The following MECOM variants were observed in gnomAD, a reference collection of about 807,000 sequenced individuals.
MECOM encodes the protein MDS1 and EVI1 complex locus, also known as histone-lysine N-methyltransferase MECOM.
A neutral mutation model predicts 116.3 loss-of-function variants in MECOM; 13 were observed. That is an observed-to-expected ratio of 0.11 (90% CI 0.07 to 0.18). The LOEUF is 0.18. Ranked by LOEUF, MECOM falls within the 10% of genes least tolerant of loss-of-function variation. The pLI, the probability that MECOM is intolerant of heterozygous loss-of-function variation, is 1.00. For synonymous variants in MECOM, 528 were observed against 535.2 expected, an observed-to-expected ratio of 0.99 and a Z score of 0.19; for missense variants, 1,299 against 1,509.0, an observed-to-expected ratio of 0.86 and a Z score of 2.31.
intron 2 of MECOM, among the ~76,000 whole-genome samples, chr3:169,290,377 A>C (rs1714282731): frequency 6.6e-6 from 1 of 152,204 alleles, no homozygotes; most frequent in South Asian, 2.1e-4. Context: ...TATTCCTTTG[A>C]GTATGATCTC....
chr3:169,164,097 A>T (rs1577223495), intron 2 of MECOM, among the ~76,000 whole-genome samples: 1 of 152,244 alleles, frequency 6.6e-6, no homozygotes, highest in South Asian at 2.1e-4. Context: ...TTTAAATTAT[A>T]GTTGATATGG....
intron 2 of MECOM, among the ~76,000 whole-genome samples, chr3:169,223,899 C>G (rs1752418259): frequency 6.6e-6 from 1 of 152,152 alleles, no homozygotes; most frequent in African/African-American, 2.4e-5. Flanking sequence ...TCAGGTGGAA[C>G]CTCCTGTAGG....
intron 2 of MECOM, among the ~76,000 whole-genome samples, chr3:169,321,685 T>C (rs1174836504): frequency 2.0e-5 from 3 of 150,264 alleles, no homozygotes; most frequent in Admixed American, 6.6e-5. Context: ...TGTGGTTTTG[T>C]GGAGGGAGGG....
intron 2 of MECOM, among the ~76,000 whole-genome samples, chr3:169,360,349 A>G (rs1410421981): frequency 1.3e-5 from 2 of 150,088 alleles, no homozygotes; most frequent in East Asian, 2.0e-4. Context: ...AAAAAGAAAA[A>G]AGCTCCTACA....
At chr3:169,404,847 A>C (rs1303669960) in intron 1 of MECOM, among the ~76,000 whole-genome samples, 1 of 152,176 alleles carries the variant, frequency 6.6e-6, no homozygotes, top group Non-Finnish European at 1.5e-5. Context: ...CCCCCAGAAG[A>C]AGCACAGAGC....
In MECOM at chr3:169,146,664, G is replaced by A. The variant is rs988030119; in HGVS notation, c.376-2832C>T. The A allele has an allele frequency of 5.2e-6, 7 of 1,344,184 alleles. No individual in the cohort carries two copies. In the African/African-American group the frequency reaches 7.4e-5, roughly 14 times the overall value. The allele number at this position is 1,344,184 out of a possible 1,614,324, so 83.3% of individuals were successfully genotyped here. A position where few individuals can be genotyped will look rare whatever the true frequency, so the allele number is the denominator to read the frequency against. ...GTGCCCCGGCAGGAAACTGTCCGAA[G>A]TGACAAACTTTCACATCGCCCAGAC... On this transcript the variant is annotated intron_variant, in intron 2 of 16. Coordinates refer to ENST00000651503, the MANE Select transcript of MECOM (RefSeq NM_004991.4).
intron 2 of MECOM, chr3:169,144,954 A>G (rs1739319063): frequency 6.7e-7 from 1 of 1,502,824 alleles, no homozygotes; most frequent in African/African-American, 1.4e-5. Context: ...TTTGCATAGA[A>G]TTCAGGCAAT....
At chr3:169,353,043 G>C (rs1212087452) in intron 2 of MECOM, among the ~76,000 whole-genome samples, 1 of 151,822 alleles carries the variant, frequency 6.6e-6, no homozygotes, top group Admixed American at 6.6e-5. Flanking sequence ...ATCCCACGAG[G>C]CTACAATTTA....
chr3:169,476,562 C>T (rs1750412973), intron 1 of MECOM, among the ~76,000 whole-genome samples: 1 of 152,154 alleles, frequency 6.6e-6, no homozygotes, highest in African/African-American at 2.4e-5. Context: ...GTGAAATTGG[C>T]CTCATCTGTC....
chr3:169,637,456 G>A (rs1340788630), intron 1 of MECOM, among the ~76,000 whole-genome samples: 2 of 152,172 alleles, frequency 1.3e-5, no homozygotes, highest in Non-Finnish European at 2.9e-5. Context: ...TTTATTCTAG[G>A]CCTGGAAATG....
intron 1 of MECOM, among the ~76,000 whole-genome samples, chr3:169,630,333 C>T (rs1399988384): frequency 6.6e-6 from 1 of 151,960 alleles, no homozygotes; most frequent in East Asian, 1.9e-4. Flanking sequence ...CAGAAAGTCA[C>T]CTTGGTTTGA....
chr3:169,537,326 A>C lies in MECOM; in HGVS notation c.37+126010T>G, dbSNP rs77091025. Among the ~76,000 whole-genome samples, 765 of 152,286 alleles carry C rather than the reference A, an allele frequency of 5.0e-3. 9 individuals are homozygous for C. Among genetic ancestry groups the C allele is most frequent in the South Asian group, 0.028 (133 of 4,824 alleles). On this transcript the variant is annotated intron_variant, in intron 1 of 16. Transcript: ENST00000651503. ...TAGCCATTAGTATTAGAAATGTCTT[A>C]CTAGTAAGCTCCTCTTTGTATTTTA...
At chr3:169,116,778 T>G in intron 7 of MECOM, 39 bp from the exon 8 acceptor site, 1 of 1,533,278 alleles carries the variant, frequency 6.5e-7, no homozygotes, top group African/African-American at 1.4e-5. Flanking sequence ...AGGCTTTATG[T>G]CAATTGCTTC....
chr3:169,469,035 G>GA (rs1748760560), intron 1 of MECOM, among the ~76,000 whole-genome samples: 1 of 152,148 alleles, frequency 6.6e-6, no homozygotes, highest in African/African-American at 2.4e-5. Flanking sequence ...ACATTGCCTA[G>GA]AAAAATTAAT....
intron 1 of MECOM, among the ~76,000 whole-genome samples, chr3:169,576,161 C>T (rs1764471525): frequency 6.6e-6 from 1 of 152,112 alleles, no homozygotes; most frequent in Admixed American, 6.6e-5. Flanking sequence ...GTAACATGCT[C>T]ATCTGTATGT....
At chr3:169,212,084 T>C (rs1750794952) in intron 2 of MECOM, among the ~76,000 whole-genome samples, 1 of 152,120 alleles carries the variant, frequency 6.6e-6, no homozygotes, top group South Asian at 2.1e-4. Flanking sequence ...TCTACTCTCA[T>C]GGGGCTTGAG....
At chr3:169,499,625 A>G (rs944389936) in intron 1 of MECOM, among the ~76,000 whole-genome samples, 5 of 151,730 alleles carry the variant, frequency 3.3e-5, no homozygotes, top group Admixed American at 6.6e-5. Context: ...GGGGAAAAAA[A>G]AAGAATGGGA....
chr3:169,168,339 T>G (rs1254227864), intron 2 of MECOM, among the ~76,000 whole-genome samples: 2 of 141,210 alleles, frequency 1.4e-5, no homozygotes, highest in African/African-American at 2.7e-5. Context: ...TTGGCCTGCT[T>G]TTTTTTTTTT....
chr3:169,203,220 G>T (rs1450809786), intron 2 of MECOM, among the ~76,000 whole-genome samples: 2 of 152,156 alleles, frequency 1.3e-5, no homozygotes, highest in Admixed American at 6.6e-5. Context: ...TGAATAGCAA[G>T]AATCCTTGAT....
Sources: gnomAD v4.1 joint callset for allele counts (sites outside exome capture counted in the v4.1 genomes callset) on GRCh38, gnomAD v4.1.1 for gene constraint, MANE v1.5 for transcripts, NCBI Gene and HGNC (gene_info 2026-07-23, HGNC 2026-07-21) for gene names.